NRXN1: variants seen among roughly 807,000 people sequenced by gnomAD.
NRXN1 encodes the protein neurexin-1.
Under a neutral mutation model 150.9 loss-of-function variants are expected in NRXN1, and 39 were observed. The observed-to-expected ratio is 0.26, with a 90% CI of 0.20 to 0.34. The LOEUF is 0.34. Ranked by LOEUF, NRXN1 falls within the 10% of genes least tolerant of loss-of-function variation. NRXN1 has a pLI of 1.00. For synonymous variants in NRXN1, 924 were observed against 757.0 expected (o/e 1.22, Z -3.62); for missense variants, 1,815 against 1,949.9 (o/e 0.93, Z 1.30).
chr2:49,982,153 C>T (rs1680087631), intron 21 of NRXN1, among the ~76,000 whole-genome samples: 1 of 152,024 alleles, frequency 6.6e-6, no homozygotes, highest in Admixed American at 6.6e-5. Context: ...AATTATTAAA[C>T]ACAATGTCTT....
chr2:50,831,690 C>T (rs1437314069), intron 5 of NRXN1, among the ~76,000 whole-genome samples: 1 of 152,156 alleles, frequency 6.6e-6, no homozygotes, highest in Non-Finnish European at 1.5e-5. Context: ...AAAACATGGA[C>T]GTTACACCTA....
intron 5 of NRXN1, among the ~76,000 whole-genome samples, chr2:50,638,294 C>T (rs571642077): frequency 3.3e-4 from 50 of 152,062 alleles, no homozygotes. Flanking sequence ...CTAGTTAGTT[C>T]CAATGACCAG....
At chr2:50,819,955 C>G (rs1441338369) in intron 5 of NRXN1, among the ~76,000 whole-genome samples, 1 of 152,048 alleles carries the variant, frequency 6.6e-6, no homozygotes, top group East Asian at 1.9e-4. Context: ...CGCACCAGCA[C>G]CACTCTGCTC....
At chr2:50,460,201 G>A (rs1284583830) in intron 17 of NRXN1, among the ~76,000 whole-genome samples, 1 of 152,050 alleles carries the variant, frequency 6.6e-6, no homozygotes, top group Non-Finnish European at 1.5e-5. Flanking sequence ...GATCGATGAT[G>A]AAGAGTGCTA....
At chr2:50,640,051 C>T (rs937909855) in intron 5 of NRXN1, among the ~76,000 whole-genome samples, 3 of 152,138 alleles carry the variant, frequency 2.0e-5, no homozygotes, top group Admixed American at 6.5e-5. Flanking sequence ...CCAGGCATCT[C>T]AGGCTAAGGT....
chr2:51,029,071 C>G lies in NRXN1; in HGVS notation c.-798G>C, dbSNP rs200985361. Reference sequence around the variant, plus strand: ...GCCAGAAGCTGTTAGATGTGGAAATCGCAACAGCTCCTCTTCTTTTCTCTC... The same window carrying G: ...GCCAGAAGCTGTTAGATGTGGAAATGGCAACAGCTCCTCTTCTTTTCTCTC... On this transcript the variant is annotated 5_prime_UTR_variant, in exon 2 of 23. Transcript: ENST00000401669. 2 of 152,222 alleles carry G rather than the reference C, an allele frequency of 1.3e-5. No homozygotes were observed. The highest frequency in any genetic ancestry group is 2.9e-5 in the Non-Finnish European group (2 of 68,044). 9.4% of individuals were successfully genotyped at this position (152,222 alleles called of 1,614,324 possible).
chr2:50,199,988 G>A (rs2062044446), intron 18 of NRXN1, among the ~76,000 whole-genome samples: 1 of 152,114 alleles, frequency 6.6e-6, no homozygotes, highest in Non-Finnish European at 1.5e-5. Context: ...CACAATGTCT[G>A]CAATGAGAGA....
At chr2:50,117,156 T>G (rs1703180783) in intron 18 of NRXN1, among the ~76,000 whole-genome samples, 1 of 152,158 alleles carries the variant, frequency 6.6e-6, no homozygotes, top group African/African-American at 2.4e-5. Flanking sequence ...AAATCAGAAC[T>G]GAAAGTAGAC....
intron 21 of NRXN1, among the ~76,000 whole-genome samples, chr2:50,008,075 C>T (rs1435576189): frequency 6.6e-6 from 1 of 152,134 alleles, no homozygotes; most frequent in African/African-American, 2.4e-5. Context: ...GTATAACCAT[C>T]AACAAGAGAG....
At chr2:50,694,812 T>C (rs116409531) in intron 5 of NRXN1, among the ~76,000 whole-genome samples, 1,646 of 152,280 alleles carry the variant, frequency 0.011, 12 homozygotes, top group Non-Finnish European at 0.016. Flanking sequence ...AAAGTAATCA[T>C]TACAAAATAA....
At chr2:50,218,808 C>G (rs996142230) in intron 18 of NRXN1, among the ~76,000 whole-genome samples, 9 of 151,944 alleles carry the variant, frequency 5.9e-5, no homozygotes, top group African/African-American at 1.7e-4. Flanking sequence ...CAACTTTGTA[C>G]CCAGTGACAT....
At chr2:50,949,433 A>G (rs1177576425) in intron 2 of NRXN1, among the ~76,000 whole-genome samples, 1 of 152,082 alleles carries the variant, frequency 6.6e-6, no homozygotes, top group Non-Finnish European at 1.5e-5. Context: ...ATACTGAAAC[A>G]TACTCTTTAA....
At chr2:50,267,308 T>C (rs566254359) in intron 17 of NRXN1, among the ~76,000 whole-genome samples, 8 of 152,326 alleles carry the variant, frequency 5.3e-5, no homozygotes, top group Middle Eastern at 3.4e-3. Context: ...TGTATTCATA[T>C]TTTTTCTCAG....
At chr2:50,914,932 G>C (rs1685005980) in intron 5 of NRXN1, among the ~76,000 whole-genome samples, 2 of 151,666 alleles carry the variant, frequency 1.3e-5, no homozygotes, top group African/African-American at 2.4e-5. Flanking sequence ...GCAGGGTAGA[G>C]ATTTCTGCCT....
intron 16 of NRXN1, among the ~76,000 whole-genome samples, chr2:50,468,194 T>A (rs1250264362): frequency 6.6e-6 from 1 of 151,554 alleles, no homozygotes; most frequent in Non-Finnish European, 1.5e-5. Context: ...TTTTGTTTTT[T>A]CAAAAATTAT....
chr2:50,761,084 T>G (rs1421652508), intron 5 of NRXN1, among the ~76,000 whole-genome samples: 3 of 152,040 alleles, frequency 2.0e-5, no homozygotes, highest in African/African-American at 7.2e-5. Context: ...TGTCTCTCTA[T>G]CGCCTTGAAG....
chr2:50,761,351 G>A (rs892527284), intron 5 of NRXN1, among the ~76,000 whole-genome samples: 2 of 151,746 alleles, frequency 1.3e-5, no homozygotes, highest in Admixed American at 6.6e-5. Context: ...TCATGGGGGC[G>A]AGTTTTTCCT....
At chr2:50,516,951 C>A (rs139813751) in intron 12 of NRXN1, among the ~76,000 whole-genome samples, 80 of 152,170 alleles carry the variant, frequency 5.3e-4, no homozygotes, top group African/African-American at 1.8e-3. Flanking sequence ...TTTAAAAAAT[C>A]CACTGGAGAA....
intron 18 of NRXN1, among the ~76,000 whole-genome samples, chr2:50,197,028 C>T (rs1289320471): frequency 6.6e-6 from 1 of 152,108 alleles, no homozygotes; most frequent in East Asian, 1.9e-4. Context: ...ACCTATGTAA[C>T]AAATCTTCAC....
Sources: allele counts gnomAD v4.1 joint callset (sites outside exome capture counted in the v4.1 genomes callset), GRCh38; gene constraint gnomAD v4.1.1; transcripts MANE v1.5; gene names NCBI Gene and HGNC (gene_info 2026-07-23, HGNC 2026-07-21).